Variants in DNAH17 observed in about 807,000 individuals in gnomAD.
DNAH17 encodes axonemal beta dynein heavy chain 17.
A neutral mutation model predicts 485.6 loss-of-function variants in DNAH17; 376 were observed. The ratio of observed to expected loss-of-function variants is 0.77; its 90% CI spans 0.71 to 0.84. DNAH17 has a LOEUF of 0.84. Ranked by LOEUF, DNAH17 falls within the 40% of genes least tolerant of loss-of-function variation. The probability of loss-of-function intolerance (pLI) is 0.00; values close to 1 mark genes in which losing one functional copy is unlikely to be tolerated. For missense variants in DNAH17, 6,370 were observed against 5,839.3 expected (o/e 1.09, Z -2.96); for synonymous variants, 3,031 against 2,405.9 (o/e 1.26, Z -7.60).
chr17:78,524,433 G>A (rs118184358), intron 25 of DNAH17, among the ~76,000 whole-genome samples: 9,250 of 152,090 alleles, frequency 0.061, 388 homozygotes, highest in South Asian at 0.13. Context: ...CCACCACACC[G>A]GGCCTGATTC....
rs2092354399 is a variant in DNAH17, at chr17:78,571,318, A to G, written c.793T>C (p.Trp265Arg). The G allele has an allele frequency of 6.2e-7, 1 of 1,613,882 alleles. No individual in the cohort carries two copies. The highest frequency in any genetic ancestry group is 1.1e-5 in the South Asian group (1 of 91,066). Residue 265 changes from tryptophan to arginine, a missense_variant, in exon 5 of 81, where the codon TGG (tryptophan) becomes CGG (arginine). Transcript: ENST00000389840. ...GTGTAAACGTTTTGCAGGGCTGGCC[A>G]GTAGCAGCTTTTGGCTTTCTCTAGG... ...EILEKAKSCY[W>R]PALQNVYTNV... is the part of the protein sequence containing the mutation.
At chr17:78,424,257 G>T in intron 80 of DNAH17, 104 bp from the exon 81 acceptor site, 1 of 1,406,480 alleles carries the variant, frequency 7.1e-7, no homozygotes, top group Non-Finnish European at 9.4e-7. Flanking sequence ...TGCAGAGCTG[G>T]GCTCTACCCC....
At position 78,434,280 on chromosome 17, in the gene DNAH17, C is replaced by G. The variant is rs1192440756; in HGVS notation, c.12034-60G>C. The G allele has an allele frequency of 2.0e-6, 3 of 1,517,206 alleles. No individual in the cohort carries two copies. In the East Asian group the frequency reaches 6.9e-5, roughly 35 times the overall value. 94.0% of individuals were successfully genotyped at this position (1,517,206 alleles called of 1,614,324 possible). On this transcript the variant is annotated intron_variant, in intron 74 of 80. Transcript: ENST00000389840. ...GAGGGAGAAGTTTACACAGAAATGC[C>G]CCTGAGGGTGACCAGCGTCCAGCCC...
chr17:78,479,265 C>A, intron 50 of DNAH17, 149 bp from the exon 51 acceptor site: 2 of 1,016,088 alleles, frequency 2.0e-6, no homozygotes, highest in South Asian at 1.7e-5. Context: ...AGGGAATTTG[C>A]TGTTCTCCTT....
In DNAH17 at chr17:78,570,380, G is replaced by A. The variant is rs1319579566; in HGVS notation, c.919-8C>T. On this transcript the variant is annotated splice_region_variant and splice_polypyrimidine_tract_variant and intron_variant, in intron 6 of 80. Coordinates refer to ENST00000389840, the MANE Select transcript of DNAH17 (RefSeq NM_173628.4). Reference sequence around the variant, plus strand: ...GGCAATGAAGGTGGGGAGCTGGGGGGAGACAGGCCCAGGCACACTGGAGGG... The same window carrying A: ...GGCAATGAAGGTGGGGAGCTGGGGGAAGACAGGCCCAGGCACACTGGAGGG... The A allele has an allele frequency of 1.2e-6, 2 of 1,609,202 alleles. No individual in the cohort carries two copies. The highest frequency in any genetic ancestry group is 1.3e-5 in the African/African-American group (1 of 74,868).
At chr17:78,529,913 C>T (rs2091184399) in intron 21 of DNAH17, among the ~76,000 whole-genome samples, 1 of 152,218 alleles carries the variant, frequency 6.6e-6, no homozygotes, top group Admixed American at 6.5e-5. Context: ...AGCTCAAGCC[C>T]ATCCTCAAGT....
chr17:78,505,075 A>C lies in DNAH17; in HGVS notation c.4956+218T>G, dbSNP rs537108526. ...TCCTTTCCCCTCCCCTTTCTCCCTA[A>C]GGATACACTGGTGCTATATGGGTAA... On this transcript the variant is annotated intron_variant, in intron 31 of 80. Coordinates refer to ENST00000389840, the MANE Select transcript of DNAH17 (RefSeq NM_173628.4). Among the ~76,000 whole-genome samples the C allele has an allele frequency of 1.4e-3, 213 of 151,886 alleles. 4 individuals carry two copies. The highest frequency in any genetic ancestry group is 0.014 in the Admixed American group (213 of 15,266).
chr17:78,485,525 C>G, intron 47 of DNAH17, 25 bp downstream of exon 47: 1 of 1,546,652 alleles, frequency 6.5e-7, no homozygotes, highest in Non-Finnish European at 8.7e-7. Context: ...GCCGGGTAGG[C>G]AGGGCGTGGC....
chr17:78,546,586 C>A (rs371017478), intron 16 of DNAH17, among the ~76,000 whole-genome samples: 5 of 152,210 alleles, frequency 3.3e-5, no homozygotes, highest in African/African-American at 7.2e-5. Flanking sequence ...TTTATTAAGT[C>A]TTTTAAATGT....
At chr17:78,433,947 G>GGGAAGGAGGGAGGGAAGGAGGGAC in intron 75 of DNAH17, 82 bp downstream of exon 75, 3 of 993,772 alleles carry the variant, frequency 3.0e-6, no homozygotes, top group Non-Finnish European at 4.2e-6. Flanking sequence ...GAAGGAGGGA[G>GGGAAGGAGGGAGGGAAGGAGGGAC]GGAAGGAGGG....
chr17:78,428,242 G>A (rs2086547144), intron 77 of DNAH17: 1 of 477,238 alleles, frequency 2.1e-6, no homozygotes, highest in Non-Finnish European at 3.9e-6. Context: ...CTGGAAGACT[G>A]CAGGGTGGAG....
chr17:78,523,358 A>G (rs967037740), intron 25 of DNAH17, among the ~76,000 whole-genome samples: 2 of 152,140 alleles, frequency 1.3e-5, no homozygotes, highest in African/African-American at 2.4e-5. Flanking sequence ...TCCTGGCTTC[A>G]GGTGATCCAC....
intron 16 of DNAH17, among the ~76,000 whole-genome samples, chr17:78,544,337 G>A (rs1205134549): frequency 2.0e-5 from 3 of 152,204 alleles, no homozygotes; most frequent in Non-Finnish European, 2.9e-5. Flanking sequence ...GGACCCGAGC[G>A]TCGAGGAGTG....
At position 78,475,266 on chromosome 17, in the gene DNAH17, G is replaced by A; in HGVS notation, c.8511+12C>T. On this transcript the variant is annotated intron_variant, in intron 54 of 80. Coordinates refer to ENST00000389840, the MANE Select transcript of DNAH17 (RefSeq NM_173628.4). Reference sequence around the variant, plus strand: ...ACCCTGAAAGGCAGCCTATTGAACAGTAAGCTCTCACCTTGAGGTCGGGGA... The same window carrying A: ...ACCCTGAAAGGCAGCCTATTGAACAATAAGCTCTCACCTTGAGGTCGGGGA... The A allele has an allele frequency of 1.2e-6, 2 of 1,613,714 alleles. No individual in the cohort carries two copies. Among genetic ancestry groups the A allele is most frequent in the Non-Finnish European group, 8.5e-7 (1 of 1,179,774 alleles).
intron 11 of DNAH17, among the ~76,000 whole-genome samples, chr17:78,565,616 G>A (rs2092251154): frequency 1.3e-5 from 2 of 152,182 alleles, no homozygotes; most frequent in Admixed American, 6.5e-5. Flanking sequence ...GTCAAGCCCA[G>A]AACTCATGGG....
Position 78,494,113 on chromosome 17 carries a change from C to G in DNAH17, c.6331G>C (p.Val2111Leu). The G allele has an allele frequency of 6.2e-7, 1 of 1,612,926 alleles. No homozygotes were observed. The highest frequency in any genetic ancestry group is 2.2e-5 in the East Asian group (1 of 44,870). Reference protein sequence around the residue: ...LQAEDSFVLKVVQLEELLQVR... With the variant: ...LQAEDSFVLKLVQLEELLQVR... ...TGCAGCAGCTCCTCCAGCTGCACCACCTTCAGCACGAAGCTGTCCTCCGCC... is the reference window on the plus strand; with the variant it reads ...TGCAGCAGCTCCTCCAGCTGCACCAGCTTCAGCACGAAGCTGTCCTCCGCC... Residue 2111 changes from valine (V) to leucine (L), a missense_variant, in exon 41 of 81, where the codon GTG becomes CTG. Coordinates refer to ENST00000389840, the MANE Select transcript of DNAH17 (RefSeq NM_173628.4).
chr17:78,570,231 G>C lies in DNAH17; in HGVS notation c.1044+16C>G. The C allele has an allele frequency of 1.3e-6, 2 of 1,570,150 alleles. No homozygotes were observed. Among genetic ancestry groups the C allele is most frequent in the Non-Finnish European group, 1.7e-6 (2 of 1,157,036 alleles). On this transcript the variant is annotated intron_variant, in intron 7 of 80. Transcript: ENST00000389840. ...AGGAGGGGAGGAAGGGGACCCAGGG[G>C]CCAGGGGAGGGTTACCATCTCGATG...
chr17:78,516,416 G>T (rs1457149209), intron 25 of DNAH17, among the ~76,000 whole-genome samples: 3 of 152,210 alleles, frequency 2.0e-5, no homozygotes, highest in African/African-American at 7.2e-5. Context: ...GCCGGGTGCG[G>T]CGGCTCACGC....
chr17:78,525,048 C>T lies in DNAH17; in HGVS notation c.3825G>A (p.Glu1275=), dbSNP rs1243238111. Residue 1275 remains glutamate, a synonymous_variant, in exon 25 of 81, where the codon GAG becomes GAA. Transcript: ENST00000389840. Reference sequence around the variant, plus strand: ...CCCAGAGCTCCTTCAGTAGGCGGACCTCCCGGTGGCAGGCCTTGAGCTGCT... The same window carrying T: ...CCCAGAGCTCCTTCAGTAGGCGGACTTCCCGGTGGCAGGCCTTGAGCTGCT... ...DYKQLKACHR[E]VRLLKELWDM... 16 of 1,613,692 alleles carry T rather than the reference C, an allele frequency of 9.9e-6. No individual in the cohort carries two copies. The highest frequency in any genetic ancestry group is 2.2e-5 in the East Asian group (1 of 44,902).
Sources: allele counts gnomAD v4.1 joint callset (sites outside exome capture counted in the v4.1 genomes callset), GRCh38; gene constraint gnomAD v4.1.1; transcripts MANE v1.5; gene names NCBI Gene and HGNC (gene_info 2026-07-23, HGNC 2026-07-21).